Variants in ATG3 observed in about 807,000 individuals in gnomAD.
ATG3 encodes autophagy related 3.
ATG3 carries 25 observed loss-of-function variants against 50.7 expected under a neutral mutation model. The ratio of observed to expected loss-of-function variants is 0.49; its 90% CI spans 0.36 to 0.69. The LOEUF (loss-of-function observed/expected upper bound fraction) is 0.69, where lower values mean the gene tolerates loss of function less well. Ranked by LOEUF, ATG3 falls within the 30% of genes least tolerant of loss-of-function variation. ATG3 has a pLI of 0.00. For synonymous variants in ATG3, 119 were observed against 125.5 expected (o/e 0.95, Z 0.34); for missense variants, 281 against 376.0 (o/e 0.75, Z 2.09).
chr3:112,544,482 C>T (rs1054596878), intron 5 of ATG3, among the ~76,000 whole-genome samples: 2 of 151,646 alleles, frequency 1.3e-5, no homozygotes, highest in African/African-American at 2.4e-5. Flanking sequence ...ATGGTGAAAC[C>T]GTTTCTACTA....
rs1167695641 is a variant in ATG3 at position 112,544,126 on chromosome 3, AAAG to A, written c.344-23_344-21del. The A allele has an allele frequency of 3.2e-6, 5 of 1,576,576 alleles. No homozygotes were observed. Among genetic ancestry groups the A allele is most frequent in the Non-Finnish European group, 4.4e-6 (5 of 1,148,050 alleles). Reference sequence around the variant, plus strand: ...TAATACCTATGTAAAATTCGGCAGAAAAGAATAACTAAAATTAAACTGTAAACA... The same window carrying A: ...TAATACCTATGTAAAATTCGGCAGAAAATAACTAAAATTAAACTGTAAACA... On this transcript the variant is annotated intron_variant, in intron 5 of 11. Coordinates refer to ENST00000283290, the MANE Select transcript of ATG3 (RefSeq NM_022488.5).
At position 112,556,312 on chromosome 3, in the gene ATG3, T is replaced by A. The variant is rs540169629; in HGVS notation, c.114+2064A>T. On this transcript the variant is annotated intron_variant, in intron 2 of 11. Transcript: ENST00000283290. ...GGCGCCTCTGCCTGGCCGCCCCTAC[T>A]GGGAAGTGAGGAGCCCCTCTGCCCG... 3.3e-5 allele frequency among the ~76,000 whole-genome samples: 5 copies of A among 151,632 alleles called. No individual in the cohort carries two copies. The South Asian group carries it at 1.0e-3, about 31-fold the overall frequency.
At chr3:112,533,403 C>T (rs2082570159) in intron 11 of ATG3, 1 of 985,102 alleles carries the variant, frequency 1.0e-6, no homozygotes, top group African/African-American at 1.7e-5. Context: ...CAGAGATGTG[C>T]CAGTTAGGCA....
chr3:112,555,200 AAAAACAAAAAAC>A (rs1383803914), intron 2 of ATG3, among the ~76,000 whole-genome samples: 3 of 152,196 alleles, frequency 2.0e-5, no homozygotes, highest in Admixed American at 2.0e-4. Flanking sequence ...AAGAAAAACG[AAAAACAAAAAAC>A]AAAACAAAAA....
rs1372050908 is a variant in ATG3 at position 112,561,909 on chromosome 3, T to A, written c.-381A>T. 1.3e-5 allele frequency: 3 copies of A among 237,670 alleles called. No homozygotes were observed. Among genetic ancestry groups the A allele is most frequent in the African/African-American group, 7.1e-5 (3 of 42,390 alleles). The allele number at this position is 237,670 out of a possible 1,614,324, so 14.7% of individuals were successfully genotyped here. A position where few individuals can be genotyped will look rare whatever the true frequency, so the allele number is the denominator to read the frequency against. ...CACTCGCGCCCCTTCCGGCTTCCCT[T>A]CCTTCTCACTCTCTTGCCGTAGCTG... On this transcript the variant is annotated 5_prime_UTR_variant, in exon 1 of 12. Coordinates refer to ENST00000283290, the MANE Select transcript of ATG3 (RefSeq NM_022488.5).
intron 5 of ATG3, among the ~76,000 whole-genome samples, chr3:112,548,329 C>G (rs1036201485): frequency 6.6e-6 from 1 of 152,076 alleles, no homozygotes; most frequent in Non-Finnish European, 1.5e-5. Context: ...GGTGACAGAG[C>G]AAGACTCTTG....
In ATG3 at chr3:112,537,815, G is replaced by C; in HGVS notation, c.586C>G (p.Gln196Glu). 1 of 1,612,620 alleles carries C rather than the reference G, an allele frequency of 6.2e-7. No homozygotes were observed. Among genetic ancestry groups the C allele is most frequent in the Non-Finnish European group, 8.5e-7 (1 of 1,179,448 alleles). The change falls in exon 9 of 12, where the codon CAA becomes GAA. Residue 196 changes from glutamine (Q) to glutamate (E), a missense_variant. By Grantham distance (29) the Gln-to-Glu change is conservative (BLOSUM62 2). This residue lies in a region of ATG3 where 242 missense variants were observed against 305.0 expected (regional missense o/e 0.79). Coordinates refer to ENST00000283290, the MANE Select transcript of ATG3 (RefSeq NM_022488.5). ...ATGTAAAGGTCATAAGTTCTGGTTT[G>C]CAAAATAGCATCTTCACCGCCAGCA... Reference protein sequence around the residue: ...TDAGGEDAILQTRTYDLYITY... With the variant: ...TDAGGEDAILETRTYDLYITY...
At chr3:112,538,692 C>T (rs1933143229) in intron 7 of ATG3, among the ~76,000 whole-genome samples, 1 of 152,216 alleles carries the variant, frequency 6.6e-6, no homozygotes, top group East Asian at 1.9e-4. Context: ...AAATCAAACG[C>T]TGCAGTAACC....
At chr3:112,544,179 T>C (rs1439980327) in intron 5 of ATG3, 73 bp from the exon 6 acceptor site, 1 of 1,250,678 alleles carries the variant, frequency 8.0e-7, no homozygotes. Flanking sequence ...TAAAGCAATA[T>C]AAAAATGCTG....
intron 4 of ATG3, among the ~76,000 whole-genome samples, chr3:112,548,880 A>G (rs1559846553): frequency 6.6e-6 from 1 of 152,214 alleles, no homozygotes; most frequent in Non-Finnish European, 1.5e-5. Flanking sequence ...CTCTATTGGG[A>G]ATGTTCTATG....
intron 11 of ATG3, chr3:112,533,580 G>A (rs1576711026): frequency 6.1e-6 from 6 of 985,280 alleles, no homozygotes; most frequent in Non-Finnish European, 7.2e-6. Context: ...CATAGTAGCC[G>A]AAACCACCAC....
intron 11 of ATG3, chr3:112,533,777 A>G (rs2082572646): frequency 1.0e-6 from 1 of 985,230 alleles, no homozygotes; most frequent in African/African-American, 1.7e-5. Context: ...AAACTATAGT[A>G]AGATACAAGA....
intron 1 of ATG3, among the ~76,000 whole-genome samples, chr3:112,559,305 G>A (rs1465813927): frequency 6.6e-6 from 1 of 152,050 alleles, no homozygotes; most frequent in Non-Finnish European, 1.5e-5. Context: ...TTATATGTAA[G>A]ATTTTCTGGT....
intron 5 of ATG3, among the ~76,000 whole-genome samples, chr3:112,546,249 C>T (rs1933366083): frequency 6.6e-6 from 1 of 152,182 alleles, no homozygotes; most frequent in Admixed American, 6.5e-5. Flanking sequence ...GGAATACATT[C>T]CAAGACCCCC....
rs2969896 is a variant in ATG3, at chr3:112,537,783, A to G, written c.618T>C (p.Tyr206=). ...QTRTYDLYIT[Y]DKYYQTPRLW... is the part of the protein sequence containing the mutation. Reference sequence around the variant, plus strand: ...ATCGTGGAGTCTGGTAATATTTATCATAAGTGATGTAAAGGTCATAAGTTC... The same window carrying G: ...ATCGTGGAGTCTGGTAATATTTATCGTAAGTGATGTAAAGGTCATAAGTTC... Residue 206 remains tyrosine, a synonymous_variant, in exon 9 of 12, where the codon TAT becomes TAC. Transcript: ENST00000283290. The G allele has an allele frequency of 0.058, 93,900 of 1,608,544 alleles. 10,321 individuals are homozygous for G. The highest frequency in any genetic ancestry group is 0.45 in the African/African-American group (33,553 of 74,648).
At chr3:112,543,655 T>C (rs964369714) in intron 6 of ATG3, among the ~76,000 whole-genome samples, 2 of 152,158 alleles carry the variant, frequency 1.3e-5, no homozygotes, top group African/African-American at 4.8e-5. Flanking sequence ...TAGCATCTAC[T>C]AGTAAGCAAG....
intron 2 of ATG3, among the ~76,000 whole-genome samples, chr3:112,556,715 T>G (rs1487319276): frequency 6.6e-6 from 1 of 152,190 alleles, no homozygotes; most frequent in African/African-American, 2.4e-5. Flanking sequence ...CCTGTTGATC[T>G]GTGACCTTAC....
chr3:112,539,775 C>T (rs1491629), intron 7 of ATG3, among the ~76,000 whole-genome samples: 148,771 of 152,338 alleles, frequency 0.98, 72,669 homozygotes, highest in Admixed American at 0.99. Context: ...ATTAACACAA[C>T]TGTTGAGCAA....
chr3:112,532,837 C>T, intron 11 of ATG3, 57 bp from the exon 12 acceptor site: 2 of 1,480,992 alleles, frequency 1.4e-6, no homozygotes, highest in Non-Finnish European at 1.8e-6. Context: ...GTTTTAAGCC[C>T]ATGTTGTAAT....
Sources: allele counts gnomAD v4.1 joint callset (sites outside exome capture counted in the v4.1 genomes callset), GRCh38; gene constraint gnomAD v4.1.1; regional missense constraint gnomAD v4.1.1; transcripts MANE v1.5; gene names NCBI Gene and HGNC (gene_info 2026-07-23, HGNC 2026-07-21).